The following RBL1 variants were observed in gnomAD, a reference collection of about 807,000 sequenced individuals.
RBL1 encodes the protein RB transcriptional corepressor like 1.
RBL1 carries 82 observed loss-of-function variants against 123.0 expected under a neutral mutation model. The observed-to-expected ratio is 0.67, with a 90% confidence interval of 0.56 to 0.80. The LOEUF is 0.80. Among genes scored for constraint, RBL1 ranks in the 30% least tolerant of loss-of-function variants. The pLI, the probability that RBL1 is intolerant of heterozygous loss-of-function variation, is 0.00. For missense variants in RBL1, 1,171 were observed against 1,299.6 expected, an observed-to-expected ratio of 0.90 and a Z score of 1.52; for synonymous variants, 405 against 441.3, an observed-to-expected ratio of 0.92 and a Z score of 1.03.
Position 37,031,924 on chromosome 20 carries a change from TTA to T in RBL1, c.2382+739_2382+740del, listed in dbSNP as rs1316883388. On this transcript the variant is annotated intron_variant, in intron 16 of 21. Transcript: ENST00000373664. Reference sequence around the variant, plus strand: ...TGGCTGCTTTTTTTTTTTTTTTTTTTTAAAATAGAGATAGGGTCTCACTGTGT... The same window carrying T: ...TGGCTGCTTTTTTTTTTTTTTTTTTTAAATAGAGATAGGGTCTCACTGTGT... 8.7e-3 allele frequency among the ~76,000 whole-genome samples: 1,312 copies of T among 149,982 alleles called. 25 individuals carry two copies. Among genetic ancestry groups the T allele is most frequent in the African/African-American group, 0.031 (1,247 of 40,656 alleles).
At chr20:37,074,393 G>T (rs1474617471) in intron 2 of RBL1, among the ~76,000 whole-genome samples, 1 of 146,094 alleles carries the variant, frequency 6.8e-6, no homozygotes, top group Non-Finnish European at 1.5e-5. Flanking sequence ...CAGCCTGGGT[G>T]ACAGAGCAAG....
At chr20:37,088,692 TA>T (rs560040564) in intron 2 of RBL1, among the ~76,000 whole-genome samples, 385 of 142,866 alleles carry the variant, frequency 2.7e-3, no homozygotes, top group Middle Eastern at 7.1e-3. Flanking sequence ...CCATCTCTAC[TA>T]AAAAAAAAAA....
At chr20:37,015,063 C>CAAA (rs1185151735) in intron 19 of RBL1, among the ~76,000 whole-genome samples, 46 of 70,244 alleles carry the variant, frequency 6.5e-4, no homozygotes, top group Non-Finnish European at 9.3e-4. Context: ...GACTGTATCT[C>CAAA]AAAAAAAAAA....
chr20:37,064,620 T>C (rs181878544), intron 7 of RBL1, among the ~76,000 whole-genome samples: 21 of 152,158 alleles, frequency 1.4e-4, no homozygotes, highest in Admixed American at 1.4e-3. Flanking sequence ...TAATTTTTTT[T>C]TTTAATTGAG....
At chr20:37,060,527 G>A (rs567828885) in intron 9 of RBL1, among the ~76,000 whole-genome samples, 10 of 152,208 alleles carry the variant, frequency 6.6e-5, no homozygotes, top group Non-Finnish European at 1.3e-4. Context: ...GCTCATGCCT[G>A]TAATCCCAGC....
At chr20:36,999,956 G>A (rs894759860) in intron 21 of RBL1, among the ~76,000 whole-genome samples, 3 of 141,938 alleles carry the variant, frequency 2.1e-5, no homozygotes, top group Admixed American at 7.0e-5. Context: ...GCCGCCCATC[G>A]TCTGGGATGT....
At chr20:37,086,007 G>T (rs746031581) in intron 2 of RBL1, among the ~76,000 whole-genome samples, 5 of 151,956 alleles carry the variant, frequency 3.3e-5, no homozygotes, top group Non-Finnish European at 7.4e-5. Flanking sequence ...GTGCAGTGGC[G>T]CTATCTCAGC....
intron 14 of RBL1, among the ~76,000 whole-genome samples, chr20:37,038,144 A>T (rs1013948309): frequency 2.0e-5 from 3 of 151,486 alleles, no homozygotes; most frequent in Non-Finnish European, 4.4e-5. Context: ...GGTGTACACC[A>T]CCATGCCTGG....
intron 1 of RBL1, among the ~76,000 whole-genome samples, chr20:37,095,107 T>G (rs553264471): frequency 6.6e-6 from 1 of 152,326 alleles, no homozygotes; most frequent in African/African-American, 2.4e-5. Flanking sequence ...TGACATTTGT[T>G]TTATTCAGAG....
At chr20:37,042,179 ACTC>A (rs1433690979) in intron 13 of RBL1, among the ~76,000 whole-genome samples, 6 of 152,040 alleles carry the variant, frequency 3.9e-5, no homozygotes, top group Non-Finnish European at 5.9e-5. Context: ...TAGATGAAGA[ACTC>A]CTATAATTCA....
chr20:37,068,363 G>A (rs982458730), intron 2 of RBL1, among the ~76,000 whole-genome samples, 177 bp from the exon 3 acceptor site: 1 of 152,086 alleles, frequency 6.6e-6, no homozygotes, highest in African/African-American at 2.4e-5. Flanking sequence ...GTGGTGGCAT[G>A]TGCCTGTAGC....
intron 15 of RBL1, among the ~76,000 whole-genome samples, chr20:37,033,872 CT>C (rs2064557935): frequency 1.3e-5 from 2 of 152,084 alleles, no homozygotes; most frequent in Non-Finnish European, 2.9e-5. Flanking sequence ...CTGCCTCAGC[CT>C]CCCAAAGTGC....
At chr20:37,007,172 C>CTCA (rs1468824801) in intron 20 of RBL1, among the ~76,000 whole-genome samples, 9 of 152,050 alleles carry the variant, frequency 5.9e-5, no homozygotes, top group Non-Finnish European at 1.2e-4. Context: ...TCGCTTGAGG[C>CTCA]CTGGAAGCAA....
Position 37,044,630 on chromosome 20 carries a change from CGCCCGGCCACTGT to C in RBL1, c.1606-393_1606-381del, listed in dbSNP as rs199966033. On this transcript the variant is annotated intron_variant, in intron 12 of 21. Transcript: ENST00000373664. ...CTGGGACTACAGTTGTGAGCCACTG[CGCCCGGCCACTGT>C]GGCCTTATTCTGTGGCACAGAACCA... 5.4e-3 allele frequency among the ~76,000 whole-genome samples: 825 copies of C among 152,256 alleles called. 8 individuals carry two copies. The highest frequency in any genetic ancestry group is 0.019 in the African/African-American group (782 of 41,554).
At chr20:37,015,063 C>CAAAAA (rs1185151735) in intron 19 of RBL1, among the ~76,000 whole-genome samples, 18 of 70,170 alleles carry the variant, frequency 2.6e-4, no homozygotes, top group African/African-American at 4.7e-4. Context: ...GACTGTATCT[C>CAAAAA]AAAAAAAAAA....
At chr20:37,065,376 A>G in intron 7 of RBL1, 48 bp downstream of exon 7, 1 of 1,370,734 alleles carries the variant, frequency 7.3e-7, no homozygotes, top group Non-Finnish European at 1.0e-6. Flanking sequence ...AAATCAACAA[A>G]TATGACAGCT....
At chr20:37,087,540 A>G (rs895258727) in intron 2 of RBL1, among the ~76,000 whole-genome samples, 1 of 152,128 alleles carries the variant, frequency 6.6e-6, no homozygotes, top group African/African-American at 2.4e-5. Flanking sequence ...TGAGCTAAAA[A>G]GGTGCCACTG....
intron 2 of RBL1, among the ~76,000 whole-genome samples, chr20:37,086,844 G>A (rs2065554720): frequency 6.6e-6 from 1 of 152,188 alleles, no homozygotes; most frequent in South Asian, 2.1e-4. Flanking sequence ...ATATACAGTA[G>A]AGAAATAGGA....
intron 2 of RBL1, among the ~76,000 whole-genome samples, chr20:37,085,430 G>A (rs1384460081): frequency 2.0e-5 from 3 of 151,770 alleles, no homozygotes; most frequent in East Asian, 1.9e-4. Flanking sequence ...GCCACTGTGC[G>A]TGGCCAAGGA....
Sources: gnomAD v4.1 joint callset for allele counts (sites outside exome capture counted in the v4.1 genomes callset) on GRCh38, gnomAD v4.1.1 for gene constraint, MANE v1.5 for transcripts, NCBI Gene and HGNC (gene_info 2026-07-23, HGNC 2026-07-21) for gene names.